ZNF347: variants seen among roughly 807,000 people sequenced by gnomAD.
ZNF347 encodes CTD-2620I22.7.
ZNF347 carries 19 observed loss-of-function variants against 12.9 expected under a neutral mutation model. That is an observed-to-expected ratio of 1.47 (90% confidence interval 1.03 to 2.16). The LOEUF is 2.16. Among genes scored for constraint, ZNF347 ranks in the 30% most tolerant of loss-of-function variants. The pLI is 0.00. For missense variants in ZNF347, 1,005 were observed against 990.6 expected (o/e 1.01, Z -0.19); for synonymous variants, 328 against 340.6 (o/e 0.96, Z 0.41).
chr19:53,144,345 T>C (rs1024221421), intron 4 of ZNF347, among the ~76,000 whole-genome samples: 3 of 152,128 alleles, frequency 2.0e-5, no homozygotes, highest in South Asian at 2.1e-4. Context: ...TTAGATAAAA[T>C]AGACTTTAAG....
chr19:53,145,326 G>C (rs2090456295), intron 4 of ZNF347, among the ~76,000 whole-genome samples: 1 of 149,060 alleles, frequency 6.7e-6, no homozygotes, highest in Non-Finnish European at 1.5e-5. Context: ...AAAACACATG[G>C]AAATTAGACA....
rs917194242 is a variant in ZNF347, at chr19:53,139,498, C to T, written c.*810G>A. 1.3e-5 allele frequency: 2 copies of T among 152,130 alleles called. No homozygotes were observed. Among genetic ancestry groups the T allele is most frequent in the African/African-American group, 4.8e-5 (2 of 41,422 alleles). 9.4% of individuals were successfully genotyped at this position (152,130 alleles called of 1,614,324 possible). A position where few individuals can be genotyped will look rare whatever the true frequency, so the allele number is the denominator to read the frequency against. Reference sequence around the variant, plus strand: ...CACAAACAGTAGCCTTTTTGAGAAACCTCAAACAATGGAATAAAAGATTTT... The same window carrying T: ...CACAAACAGTAGCCTTTTTGAGAAATCTCAAACAATGGAATAAAAGATTTT... On this transcript the variant is annotated 3_prime_UTR_variant, in exon 5 of 5. Coordinates refer to ENST00000334197, the MANE Select transcript of ZNF347 (RefSeq NM_032584.3).
chr19:53,152,158 C>T (rs573049673), intron 2 of ZNF347, among the ~76,000 whole-genome samples: 5 of 150,216 alleles, frequency 3.3e-5, no homozygotes, highest in African/African-American at 1.2e-4. Flanking sequence ...GTCACATATA[C>T]ACAGTTTAGT....
intron 2 of ZNF347, among the ~76,000 whole-genome samples, chr19:53,149,751 C>A (rs1198564330): frequency 6.6e-6 from 1 of 152,060 alleles, no homozygotes; most frequent in Non-Finnish European, 1.5e-5. Flanking sequence ...AGCAATCGTG[C>A]CCACTTAATG....
chr19:53,153,883 T>C, intron 1 of ZNF347, 90 bp from the exon 2 acceptor site: 3 of 921,936 alleles, frequency 3.3e-6, no homozygotes, highest in Non-Finnish European at 5.1e-6. Flanking sequence ...CCCCTTCCTA[T>C]GCCACAATCA....
intron 4 of ZNF347, among the ~76,000 whole-genome samples, chr19:53,144,673 G>A (rs1182111245): frequency 6.6e-6 from 1 of 152,078 alleles, no homozygotes; most frequent in Non-Finnish European, 1.5e-5. Context: ...TGCCCAGGCT[G>A]TGGTCCATTG....
Position 53,149,285 on chromosome 19 carries a change from T to C in ZNF347, c.98A>G (p.Tyr33Cys). 6.2e-7 allele frequency: 1 copy of C among 1,613,918 alleles called. No individual in the cohort carries two copies. Among genetic ancestry groups the C allele is most frequent in the Non-Finnish European group, 8.5e-7 (1 of 1,179,938 alleles). ...ATAATTCTCCAACATCACGTCCCTG[T>C]ACAAAGTCCTCTGAGCGGGGTCCAG... ...TCLDPAQRTL[Y>C]RDVMLENYRN... The change falls in exon 3 of 5, where the codon TAC becomes TGC. Residue 33 changes from tyrosine (Y) to cysteine (C), a missense_variant. Physicochemically the swap from Tyr to Cys is radical, Grantham distance 194. Transcript: ENST00000334197.
intron 4 of ZNF347, among the ~76,000 whole-genome samples, chr19:53,143,736 T>C (rs2090444704): frequency 1.3e-5 from 2 of 152,268 alleles, no homozygotes; most frequent in East Asian, 1.9e-4. Flanking sequence ...CCTTTGGGTA[T>C]ATACCCAGTA....
At position 53,148,742 on chromosome 19, in the gene ZNF347, C is replaced by T; in HGVS notation, c.210G>A (p.Glu70=). The change falls in exon 4 of 5, where the codon GAG becomes GAA. Residue 70 remains glutamate (E), a synonymous_variant. Transcript: ENST00000334197. ...LEQGKEPFTL[E]SQVQIAGNPD... ...GGTTTCCTGCTATTTGTACTTGGCT[C>T]TCCAAAGTGAAAGGCTCCTTCCCTT... 6.2e-7 allele frequency: 1 copy of T among 1,613,736 alleles called. No homozygotes were observed. The highest frequency in any genetic ancestry group is 1.1e-5 in the South Asian group (1 of 91,072).
chr19:53,149,133 A>G, intron 3 of ZNF347, 108 bp downstream of exon 3: 1 of 1,559,536 alleles, frequency 6.4e-7, no homozygotes, highest in South Asian at 1.2e-5. Flanking sequence ...TTCAGTCAAC[A>G]CAGCTTCAGT....
In ZNF347 at chr19:53,134,993, G is replaced by T. The variant is rs1220695577; in HGVS notation, c.*5315C>A. ...TACCACAATCACAATGATATATGAA[G>T]ATAAACCATTTAAAAATTACAAGAG... On this transcript the variant is annotated 3_prime_UTR_variant, in exon 5 of 5. Coordinates refer to ENST00000334197, the MANE Select transcript of ZNF347 (RefSeq NM_032584.3). The T allele has an allele frequency of 6.6e-6, 1 of 152,026 alleles. No individual in the cohort carries two copies. Among genetic ancestry groups the T allele is most frequent in the African/African-American group, 2.4e-5 (1 of 41,386 alleles). 9.4% of individuals were successfully genotyped at this position (152,026 alleles called of 1,614,324 possible).
At chr19:53,156,618 T>C (rs1472432759) in intron 1 of ZNF347, among the ~76,000 whole-genome samples, 2 of 152,186 alleles carry the variant, frequency 1.3e-5, no homozygotes, top group African/African-American at 2.4e-5. Flanking sequence ...TCTTCTGTAA[T>C]ATCCTTCATA....
In ZNF347 at chr19:53,137,964, AATAT is replaced by A. The variant is rs960914188; in HGVS notation, c.*2340_*2343del. 6.6e-6 allele frequency: 1 copy of A among 151,644 alleles called. No homozygotes were observed. The highest frequency in any genetic ancestry group is 2.4e-5 in the African/African-American group (1 of 41,260). The allele number at this position is 151,644 out of a possible 1,614,324, so 9.4% of individuals were successfully genotyped here. A position where few individuals can be genotyped will look rare whatever the true frequency, so the allele number is the denominator to read the frequency against. ...CAGGCGCATGCCACCACATCCAACC[AATAT>A]ATATATATTTGGTATTTTTTAGTAG... On this transcript the variant is annotated 3_prime_UTR_variant, in exon 5 of 5. Transcript: ENST00000334197.
Position 53,135,362 on chromosome 19 carries a change from A to AGG in ZNF347, c.*4945_*4946insCC, listed in dbSNP as rs1468101538. The AGG allele has an allele frequency of 8.1e-6, 1 of 123,420 alleles. No homozygotes were observed. Among genetic ancestry groups the AGG allele is most frequent in the Non-Finnish European group, 1.8e-5 (1 of 55,900 alleles). 7.6% of individuals were successfully genotyped at this position (123,420 alleles called of 1,614,324 possible). ...TATAGAGAGAGAGAGAGAGAGAGAG[A>AGG]GAGAGAAAGAGAGAGAGAGAGAGAG... On this transcript the variant is annotated 3_prime_UTR_variant, in exon 5 of 5. Coordinates refer to ENST00000334197, the MANE Select transcript of ZNF347 (RefSeq NM_032584.3).
chr19:53,140,157 C>A lies in ZNF347; in HGVS notation c.*151G>T, dbSNP rs2090410886. ...TCAGGTGATCCACCTGCCTCGGACT[C>A]CCAAAGTGTTGGGATTACAGGCATG... is the stretch of plus-strand genomic sequence containing the variant. On this transcript the variant is annotated 3_prime_UTR_variant, in exon 5 of 5. Transcript: ENST00000334197. The A allele has an allele frequency of 7.8e-6, 6 of 764,984 alleles. No individual in the cohort carries two copies. Among genetic ancestry groups the A allele is most frequent in the Non-Finnish European group, 1.2e-5 (6 of 486,992 alleles). 47.4% of individuals were successfully genotyped at this position (764,984 alleles called of 1,614,324 possible).
rs1224230813 is a variant in ZNF347, at chr19:53,139,637, A to C, written c.*671T>G. On this transcript the variant is annotated 3_prime_UTR_variant, in exon 5 of 5. Transcript: ENST00000334197. ...TTATTGTGCAGTTTATCATTTTAAA[A>C]GTGAATCAAAGAACTAGAGACTGAG... 2 of 152,242 alleles carry C rather than the reference A, an allele frequency of 1.3e-5. No homozygotes were observed. Among genetic ancestry groups the C allele is most frequent in the African/African-American group, 4.8e-5 (2 of 41,470 alleles). The allele number at this position is 152,242 out of a possible 1,614,324, so 9.4% of individuals were successfully genotyped here. A position where few individuals can be genotyped will look rare whatever the true frequency, so the allele number is the denominator to read the frequency against.
At chr19:53,153,906 G>C (rs1599860621) in intron 1 of ZNF347, 113 bp from the exon 2 acceptor site, 1 of 736,468 alleles carries the variant, frequency 1.4e-6, no homozygotes, top group East Asian at 2.7e-5. Context: ...CACACACACA[G>C]GGAAGACCTC....
intron 4 of ZNF347, among the ~76,000 whole-genome samples, chr19:53,148,213 A>C (rs1172897016): frequency 6.6e-6 from 1 of 152,236 alleles, no homozygotes; most frequent in Non-Finnish European, 1.5e-5. Flanking sequence ...AAGAAGTCAA[A>C]ATATACTTCT....
At chr19:53,157,202 A>G (rs1029763086) in intron 1 of ZNF347, among the ~76,000 whole-genome samples, 1 of 152,310 alleles carries the variant, frequency 6.6e-6, no homozygotes. Flanking sequence ...CATTTTACAT[A>G]AAGGAGTTTC....
Sources: gnomAD v4.1 joint callset for allele counts (sites outside exome capture counted in the v4.1 genomes callset) on GRCh38, gnomAD v4.1.1 for gene constraint, MANE v1.5 for transcripts, NCBI Gene and HGNC (gene_info 2026-07-23, HGNC 2026-07-21) for gene names.